Variants in PLXNA4 observed in about 807,000 individuals in gnomAD.
The protein encoded by PLXNA4 is plexin A4.
In PLXNA4, 44 loss-of-function variants were observed where a neutral mutation model predicts 191.8. The ratio of observed to expected loss-of-function variants is 0.23; its 90% CI spans 0.18 to 0.29. The LOEUF (loss-of-function observed/expected upper bound fraction) is 0.29, where lower values mean the gene tolerates loss of function less well. Ranked by LOEUF, PLXNA4 falls within the 10% of genes least tolerant of loss-of-function variation. The pLI, the probability that PLXNA4 is intolerant of heterozygous loss-of-function variation, is 1.00. For synonymous variants in PLXNA4, 1,082 were observed against 1,009.5 expected (o/e 1.07, Z -1.36); for missense variants, 1,800 against 2,488.8 (o/e 0.72, Z 5.89).
At chr7:132,402,370 T>C (rs891443706) in intron 3 of PLXNA4, among the ~76,000 whole-genome samples, 1 of 152,068 alleles carries the variant, frequency 6.6e-6, no homozygotes. Flanking sequence ...TCACCTAACA[T>C]GAGGAAGCCA....
chr7:132,184,157 C>T (rs12536984), intron 16 of PLXNA4, among the ~76,000 whole-genome samples: 3 of 152,126 alleles, frequency 2.0e-5, no homozygotes, highest in Non-Finnish European at 4.4e-5. Flanking sequence ...CCTGCTCACT[C>T]CCCCAGCCCC....
intron 3 of PLXNA4, chr7:132,384,754 A>G: frequency 1.5e-6 from 1 of 682,346 alleles, no homozygotes; most frequent in Non-Finnish European, 1.8e-6. Flanking sequence ...ATACACACAC[A>G]CACACACACA....
chr7:132,151,301 GAGGAGGAAGA>G (rs1795599205), intron 25 of PLXNA4, among the ~76,000 whole-genome samples: 3 of 55,928 alleles, frequency 5.4e-5, no homozygotes, highest in Non-Finnish European at 5.1e-5. Flanking sequence ...GAAGAAGAAG[GAGGAGGAAGA>G]AGGAGGAGGA....
chr7:132,547,610 T>C (rs1017911694), intron 1 of PLXNA4, among the ~76,000 whole-genome samples: 2 of 152,080 alleles, frequency 1.3e-5, no homozygotes. Flanking sequence ...GGTGCAGAAC[T>C]ATTCCAGGGA....
At chr7:132,487,227 T>C (rs1397525290) in intron 3 of PLXNA4, among the ~76,000 whole-genome samples, 6 of 152,194 alleles carry the variant, frequency 3.9e-5, no homozygotes, top group Non-Finnish European at 8.8e-5. Context: ...TACTCCATCC[T>C]GCCAGCTAGT....
intron 3 of PLXNA4, among the ~76,000 whole-genome samples, chr7:132,386,655 G>A (rs903498217): frequency 3.9e-5 from 6 of 152,260 alleles, no homozygotes; most frequent in South Asian, 2.1e-4. Context: ...GCATACCCCC[G>A]GTACGTTAAA....
chr7:132,206,442 GT>G (rs1797620813), intron 10 of PLXNA4, among the ~76,000 whole-genome samples: 1 of 89,134 alleles, frequency 1.1e-5, no homozygotes, highest in Non-Finnish European at 2.5e-5. Context: ...TTTCTGGTGT[GT>G]GTGTGTGTGT....
rs1404515145 is a variant in PLXNA4 at position 132,185,462 on chromosome 7, G to A, written c.2995C>T (p.Arg999Ter). 1.2e-6 allele frequency: 2 copies of A among 1,610,836 alleles called. No homozygotes were observed. Among genetic ancestry groups the A allele is most frequent in the African/African-American group, 1.3e-5 (1 of 74,868 alleles). Residue 999 changes from arginine (R) to a stop codon, truncating the protein, a stop_gained and splice_region_variant, in exon 16 of 32, where the codon CGA (arginine) becomes TGA (stop). Transcript: ENST00000321063. LOFTEE classifies it high-confidence loss of function. Reference protein sequence around the residue: ...FGKQPCLFHRRSPSYIVCNTT... With the variant: ...FGKQPCLFHR ...TTGCAGACAATGTAGGATGGAGATC[G>A]CCTGGAGGGCAGGAAGACAGAGCAC...
chr7:132,202,174 C>T (rs1797459606), intron 12 of PLXNA4, among the ~76,000 whole-genome samples: 1 of 152,196 alleles, frequency 6.6e-6, no homozygotes, highest in African/African-American at 2.4e-5. Context: ...TGTGCTCCAT[C>T]TTACAGCTCA....
intron 4 of PLXNA4, among the ~76,000 whole-genome samples, chr7:132,246,827 C>T (rs1584895365): frequency 6.6e-6 from 1 of 151,984 alleles, no homozygotes; most frequent in East Asian, 1.9e-4. Context: ...ATCCTCATCA[C>T]CATCTTCCTA....
At chr7:132,430,334 G>A (rs910597668) in intron 3 of PLXNA4, among the ~76,000 whole-genome samples, 2 of 152,148 alleles carry the variant, frequency 1.3e-5, no homozygotes, top group African/African-American at 4.8e-5. Flanking sequence ...AGCACCGCAT[G>A]AGGCACACAG....
intron 5 of PLXNA4, among the ~76,000 whole-genome samples, chr7:132,230,953 A>G (rs559513815): frequency 3.9e-5 from 6 of 152,324 alleles, no homozygotes; most frequent in African/African-American, 1.4e-4. Context: ...AGGGAGGAAG[A>G]GGTGGCACAC....
At chr7:132,487,331 T>G (rs542631804) in intron 3 of PLXNA4, among the ~76,000 whole-genome samples, 5 of 152,306 alleles carry the variant, frequency 3.3e-5, no homozygotes, top group African/African-American at 4.8e-5. Context: ...GAGATTGAGC[T>G]CACCGGAGAA....
At chr7:132,452,616 G>A (rs1315283886) in intron 3 of PLXNA4, among the ~76,000 whole-genome samples, 1 of 152,188 alleles carries the variant, frequency 6.6e-6, no homozygotes, top group Non-Finnish European at 1.5e-5. Context: ...CTCCCTGGGG[G>A]CCTGATACTC....
At chr7:132,602,697 C>T (rs986969010) in intron 2 of PLXNA4, among the ~76,000 whole-genome samples, 10 of 152,126 alleles carry the variant, frequency 6.6e-5, no homozygotes, top group African/African-American at 2.2e-4. Flanking sequence ...CAAGGACCTG[C>T]CTCCCATCTT....
intron 14 of PLXNA4, among the ~76,000 whole-genome samples, chr7:132,191,124 C>G (rs73723725): frequency 0.12 from 18,536 of 151,956 alleles, 1,289 homozygotes; most frequent in African/African-American, 0.19. Context: ...GACAGAGGAG[C>G]CTGGGCAATG....
Position 132,344,329 on chromosome 7 carries a change from C to T in PLXNA4, c.1372-46107G>A, listed in dbSNP as rs112572150. Among the ~76,000 whole-genome samples, 3 of 152,034 alleles carry T rather than the reference C, an allele frequency of 2.0e-5. No homozygotes were observed. In the South Asian group the frequency reaches 6.2e-4, roughly 32 times the overall value. On this transcript the variant is annotated intron_variant, in intron 3 of 31. Coordinates refer to ENST00000321063, the MANE Select transcript of PLXNA4 (RefSeq NM_020911.2). ...ATATTATCATTTTCTACATGTGCTA[C>T]GATATGATTAAGGACTACTGAAATT...
intron 20 of PLXNA4, among the ~76,000 whole-genome samples, chr7:132,176,042 A>C (rs1445685405): frequency 6.6e-6 from 1 of 152,202 alleles, no homozygotes; most frequent in Non-Finnish European, 1.5e-5. Context: ...AACACAATGC[A>C]GCCACCCTAG....
intron 14 of PLXNA4, among the ~76,000 whole-genome samples, chr7:132,190,679 C>T (rs1797057333): frequency 6.6e-6 from 1 of 152,328 alleles, no homozygotes; most frequent in Non-Finnish European, 1.5e-5. Context: ...GGGGGCCTGG[C>T]TGCAAATGCA....
Sources: allele counts gnomAD v4.1 joint callset (sites outside exome capture counted in the v4.1 genomes callset), GRCh38; gene constraint gnomAD v4.1.1; transcripts MANE v1.5; gene names NCBI Gene and HGNC (gene_info 2026-07-23, HGNC 2026-07-21).